Variants in MSI2 observed in about 807,000 individuals in gnomAD.
The protein encoded by MSI2 is RNA-binding protein Musashi homolog 2.
MSI2 carries 17 observed loss-of-function variants against 45.6 expected under a neutral mutation model. The ratio of observed to expected loss-of-function variants is 0.37; its 90% CI spans 0.26 to 0.56. The LOEUF (loss-of-function observed/expected upper bound fraction) is 0.56. Ranked by LOEUF, MSI2 falls within the 20% of genes least tolerant of loss-of-function variation. The probability of loss-of-function intolerance (pLI) is 0.77; values close to 1 mark genes in which losing one functional copy is unlikely to be tolerated. For missense variants in MSI2, 293 were observed against 444.2 expected (o/e 0.66, Z 3.06); for synonymous variants, 156 against 158.2 (o/e 0.99, Z 0.11).
intron 6 of MSI2, among the ~76,000 whole-genome samples, chr17:57,417,639 A>C (rs1446398090): frequency 6.6e-6 from 1 of 152,190 alleles, no homozygotes; most frequent in Non-Finnish European, 1.5e-5. Context: ...AAAGAACCTC[A>C]GCGAACATTA....
rs985265005 is a variant in MSI2, at chr17:57,682,266, C to G, written c.*2749C>G. 5.2e-6 allele frequency: 1 copy of G among 191,552 alleles called. No individual in the cohort carries two copies. The highest frequency in any genetic ancestry group is 2.4e-5 in the African/African-American group (1 of 42,516). The allele number at this position is 191,552 out of a possible 1,614,324, so 11.9% of individuals were successfully genotyped here. A position where few individuals can be genotyped will look rare whatever the true frequency, so the allele number is the denominator to read the frequency against. On this transcript the variant is annotated 3_prime_UTR_variant, in exon 14 of 14. Transcript: ENST00000284073. ...CTGATCTGATGTGGTTTCAACTAAC[C>G]CAAGGTCTCACCATGTTAAAATGCC...
Position 57,681,952 on chromosome 17 carries a change from C to T in MSI2, c.*2435C>T, listed in dbSNP as rs1437715025. The stretch of plus-strand genomic sequence containing the variant: ...TCCTTTTCTCTGCATCCCCCATCAC[C>T]TCATAGAAGACTCTTTGTTGATCAT... On this transcript the variant is annotated 3_prime_UTR_variant, in exon 14 of 14. Transcript: ENST00000284073. 4.7e-6 allele frequency: 1 copy of T among 212,370 alleles called. No homozygotes were observed. The highest frequency in any genetic ancestry group is 5.9e-5 in the Admixed American group (1 of 17,038). 13.2% of individuals were successfully genotyped at this position (212,370 alleles called of 1,614,324 possible).
intron 5 of MSI2, among the ~76,000 whole-genome samples, chr17:57,371,670 A>G (rs897986717): frequency 6.0e-4 from 91 of 152,146 alleles, no homozygotes; most frequent in African/African-American, 2.0e-3. Context: ...GTGACTTACA[A>G]TTATACTTTA....
chr17:57,519,575 A>C (rs1273878295), intron 6 of MSI2, among the ~76,000 whole-genome samples: 3 of 152,072 alleles, frequency 2.0e-5, no homozygotes, highest in Admixed American at 1.3e-4. Flanking sequence ...GAAGAGACCC[A>C]ATATCCTCCT....
chr17:57,636,081 A>G (rs1909813748), intron 10 of MSI2, among the ~76,000 whole-genome samples: 1 of 152,082 alleles, frequency 6.6e-6, no homozygotes, highest in East Asian at 1.9e-4. Context: ...GCTGTAGTCC[A>G]TTGTCTGTAG....
intron 5 of MSI2, among the ~76,000 whole-genome samples, chr17:57,370,860 A>C (rs1334736767): frequency 1.3e-5 from 2 of 152,310 alleles, no homozygotes. Flanking sequence ...AGAGTGAAGA[A>C]ACCCTGTGTT....
intron 5 of MSI2, among the ~76,000 whole-genome samples, chr17:57,301,649 T>C (rs1397990734): frequency 6.6e-6 from 1 of 152,244 alleles, no homozygotes. Flanking sequence ...TGCAGCTCAT[T>C]TGTTTTCATT....
At chr17:57,695,322 C>A in the MSI2 span, among the ~76,000 whole-genome samples, 1 of 152,222 alleles carries the variant, frequency 6.6e-6, no homozygotes, top group Non-Finnish European at 1.5e-5. Context: ...GAGTATGACT[C>A]AGTCTCCCTC....
intron 10 of MSI2, among the ~76,000 whole-genome samples, chr17:57,641,932 A>G (rs144459559): frequency 4.2e-4 from 64 of 152,344 alleles, no homozygotes; most frequent in African/African-American, 1.5e-3. Flanking sequence ...CCTGCTGGCC[A>G]GAGAGTGACG....
At chr17:57,399,821 A>G (rs934759029) in intron 5 of MSI2, among the ~76,000 whole-genome samples, 4 of 152,206 alleles carry the variant, frequency 2.6e-5, no homozygotes, top group African/African-American at 9.7e-5. Flanking sequence ...AGTCCTGCCC[A>G]GGGTCACACC....
chr17:57,369,014 C>T (rs2083382380), intron 5 of MSI2, among the ~76,000 whole-genome samples: 1 of 152,132 alleles, frequency 6.6e-6, no homozygotes, highest in Non-Finnish European at 1.5e-5. Flanking sequence ...TTTTTTTCTA[C>T]TGGGAATTTC....
intron 7 of MSI2, among the ~76,000 whole-genome samples, chr17:57,534,137 G>A (rs577669825): frequency 6.6e-6 from 1 of 152,374 alleles, no homozygotes; most frequent in South Asian, 2.1e-4. Flanking sequence ...GCTGCCCAGA[G>A]TCTCACACTG....
At chr17:57,452,948 G>C (rs1029601256) in intron 6 of MSI2, among the ~76,000 whole-genome samples, 7 of 151,676 alleles carry the variant, frequency 4.6e-5, no homozygotes, top group Non-Finnish European at 1.0e-4. Flanking sequence ...ATGGTAGATA[G>C]GGAACAGAAC....
At chr17:57,304,167 G>A (rs1054731371) in intron 5 of MSI2, among the ~76,000 whole-genome samples, 3 of 151,982 alleles carry the variant, frequency 2.0e-5, no homozygotes, top group Non-Finnish European at 2.9e-5. Context: ...GACCATCCTG[G>A]CCAACATGGT....
intron 6 of MSI2, among the ~76,000 whole-genome samples, chr17:57,460,015 G>C (rs189461020): frequency 6.6e-6 from 1 of 152,132 alleles, no homozygotes; most frequent in East Asian, 1.9e-4. Context: ...TGTAATCTCA[G>C]CTACTCGGGA....
intron 5 of MSI2, among the ~76,000 whole-genome samples, chr17:57,287,992 T>G (rs531390169): frequency 3.3e-5 from 5 of 152,118 alleles, no homozygotes; most frequent in Non-Finnish European, 7.4e-5. Flanking sequence ...ATTCTGAGCC[T>G]CCTCCTCCTC....
chr17:57,477,289 G>C (rs1002489602), intron 6 of MSI2, among the ~76,000 whole-genome samples: 16 of 151,816 alleles, frequency 1.1e-4, no homozygotes, highest in Admixed American at 5.3e-4. Context: ...CTCTTGACAA[G>C]CTGGGCTTTC....
chr17:57,666,082 T>C (rs148438129), intron 11 of MSI2, among the ~76,000 whole-genome samples: 1,666 of 152,288 alleles, frequency 0.011, 32 homozygotes, highest in African/African-American at 0.038. Flanking sequence ...GAGCTTCTAC[T>C]CCAAGGCTGG....
intron 5 of MSI2, among the ~76,000 whole-genome samples, chr17:57,295,010 A>T (rs1910794824): frequency 6.6e-6 from 1 of 151,430 alleles, no homozygotes. Context: ...CACCGAGCAG[A>T]GAGTCGTTTC....
Sources: allele counts gnomAD v4.1 joint callset (sites outside exome capture counted in the v4.1 genomes callset), GRCh38; gene constraint gnomAD v4.1.1; transcripts MANE v1.5; gene names NCBI Gene and HGNC (gene_info 2026-07-23, HGNC 2026-07-21).